Variants in NPAS2 observed in about 807,000 individuals in gnomAD.
NPAS2 encodes neuronal PAS domain-containing protein 2.
In NPAS2, 23 loss-of-function variants were observed where a neutral mutation model predicts 107.5. The observed-to-expected ratio is 0.21, with a 90% CI of 0.15 to 0.30. NPAS2 has a LOEUF of 0.30. NPAS2 is among the 10% of genes least tolerant of loss of function. NPAS2 has a pLI of 1.00. For synonymous variants in NPAS2, 403 were observed against 417.5 expected (o/e 0.97, Z 0.42); for missense variants, 756 against 1,043.3 (o/e 0.72, Z 3.79).
At position 100,965,780 on chromosome 2, in the gene NPAS2, C is replaced by T; in HGVS notation, c.907+14C>T. ...GTCACCAGCACCGTGAGTACCACTG[C>T]CCAGCCCAGGCATGGGGGCCTTGCG... On this transcript the variant is annotated intron_variant, in intron 10 of 20. Transcript: ENST00000335681. This position sits in a 1 kb window ranked among gnomAD's most constrained non-coding sequence, Gnocchi z 4.3. The T allele has an allele frequency of 6.4e-7, 1 of 1,555,766 alleles. No homozygotes were observed.
intron 10 of NPAS2, among the ~76,000 whole-genome samples, chr2:100,966,374 G>A (rs971110780): frequency 6.6e-6 from 1 of 152,110 alleles, no homozygotes; most frequent in South Asian, 2.1e-4. Flanking sequence ...CAAATGTATG[G>A]GGGATGGGAC....
At chr2:100,917,889 A>G (rs1420184251) in intron 2 of NPAS2, among the ~76,000 whole-genome samples, 1 of 152,182 alleles carries the variant, frequency 6.6e-6, no homozygotes, top group African/African-American at 2.4e-5. Flanking sequence ...AATATCACCA[A>G]TTCTGTTCAC....
chr2:100,904,298 A>G (rs927999516), intron 1 of NPAS2, among the ~76,000 whole-genome samples: 1 of 152,240 alleles, frequency 6.6e-6, no homozygotes. Context: ...ATGCTGCTTC[A>G]CTGAGCAGGT....
At chr2:100,933,056 T>G in intron 4 of NPAS2, 55 bp downstream of exon 4, 1 of 1,328,816 alleles carries the variant, frequency 7.5e-7, no homozygotes, top group South Asian at 1.2e-5. Context: ...TGTAGCTACT[T>G]GTTGCAGATA....
At chr2:100,952,024 C>T (rs771763349) in intron 7 of NPAS2, among the ~76,000 whole-genome samples, 9 of 151,546 alleles carry the variant, frequency 5.9e-5, no homozygotes, top group Non-Finnish European at 1.0e-4. Flanking sequence ...TGGTGGCGGG[C>T]GCCTGTAGTC....
At chr2:100,925,725 C>A (rs1269332280) in intron 3 of NPAS2, among the ~76,000 whole-genome samples, 2 of 152,166 alleles carry the variant, frequency 1.3e-5, no homozygotes, top group East Asian at 3.8e-4. Context: ...GTCTTTTGCG[C>A]TACATCATGA....
At chr2:100,934,152 C>T (rs748408561) in intron 4 of NPAS2, 7 of 152,176 alleles carry the variant, frequency 4.6e-5, no homozygotes, top group African/African-American at 1.7e-4. Context: ...AGAAGCAATG[C>T]ATTTTTAAGT....
chr2:100,837,444 C>A (rs1558793755), intron 1 of NPAS2, among the ~76,000 whole-genome samples: 1 of 152,132 alleles, frequency 6.6e-6, no homozygotes, highest in African/African-American at 2.4e-5. Context: ...TGCGCCATCA[C>A]GTCCAGCTAA....
Position 100,988,239 on chromosome 2 carries a change from A to G in NPAS2, c.1790A>G (p.Gln597Arg), listed in dbSNP as rs1677889247. The G allele has an allele frequency of 6.2e-7, 1 of 1,614,046 alleles. No individual in the cohort carries two copies. Among genetic ancestry groups the G allele is most frequent in the South Asian group, 1.1e-5 (1 of 91,088 alleles). ...GQISSAQVTSQHLLRESSVIS... is the reference protein window; with the variant it reads ...GQISSAQVTSRHLLRESSVIS... ...ATCTCCTCTGCCCAGGTCACAAGCC[A>G]GCACCTGCTCAGAGAATCAAGTGTG... is the stretch of plus-strand genomic sequence containing the variant. Residue 597 changes from glutamine to arginine, a missense_variant, in exon 17 of 21, where the codon CAG (glutamine) becomes CGG (arginine). Coordinates refer to ENST00000335681, the MANE Select transcript of NPAS2 (RefSeq NM_002518.4).
chr2:100,932,937 A>G lies in NPAS2; in HGVS notation c.209A>G (p.Asp70Gly). 6.2e-7 allele frequency: 1 copy of G among 1,614,092 alleles called. No individual in the cohort carries two copies. The highest frequency in any genetic ancestry group is 1.1e-5 in the South Asian group (1 of 91,082). ...GTCTCAGCGCAAACGGAAATCTGTG[A>G]CATTCAGCAAGACTGGAAGCCTTCA... The part of the protein sequence containing the change: ...NEVSAQTEIC[D>G]IQQDWKPSFL... Residue 70 changes from aspartate (D) to glycine (G), a missense_variant, in exon 4 of 21, where the codon GAC (aspartate) becomes GGC (glycine). By Grantham distance (94) the Asp-to-Gly change is moderately conservative (BLOSUM62 -1). Transcript: ENST00000335681.
chr2:100,905,989 T>TA (rs1028273486), intron 2 of NPAS2, among the ~76,000 whole-genome samples: 7 of 152,020 alleles, frequency 4.6e-5, no homozygotes, highest in South Asian at 2.1e-4. Context: ...ATATTTCCTT[T>TA]AAAAAAATCA....
At position 100,964,883 on chromosome 2, in the gene NPAS2, C is replaced by G. The variant is rs141573645; in HGVS notation, c.740C>G (p.Pro247Arg). 3 of 1,574,936 alleles carry G rather than the reference C, an allele frequency of 1.9e-6. No individual in the cohort carries two copies. The highest frequency in any genetic ancestry group is 1.7e-4 in the Middle Eastern group (1 of 5,974). ...FLKEMCIVDE[P>R]LEEFTSRHSL... ...CAGGAAATGTGCATAGTTGACGAAC[C>G]TTTAGAGGAATTCACTTCAAGGCAT... is the stretch of plus-strand genomic sequence containing the variant. The change falls in exon 9 of 21, where the codon CCT becomes CGT. Residue 247 changes from proline to arginine, a missense_variant. Physicochemically the swap from Pro to Arg is moderately radical, Grantham distance 103. Transcript: ENST00000335681.
intron 2 of NPAS2, among the ~76,000 whole-genome samples, chr2:100,912,716 C>A (rs1478723317): frequency 6.6e-6 from 1 of 152,236 alleles, no homozygotes; most frequent in Non-Finnish European, 1.5e-5. Flanking sequence ...TGGTTGCATT[C>A]AAGGGCGAAT....
chr2:100,856,423 A>G (rs532520240), intron 1 of NPAS2, among the ~76,000 whole-genome samples: 1 of 152,268 alleles, frequency 6.6e-6, no homozygotes, highest in Non-Finnish European at 1.5e-5. Context: ...GTTAGAGGGG[A>G]CCTGTGTTAC....
chr2:100,858,777 A>G (rs1056888355), intron 1 of NPAS2, among the ~76,000 whole-genome samples: 38 of 152,110 alleles, frequency 2.5e-4, no homozygotes, highest in African/African-American at 8.5e-4. Flanking sequence ...TACTGACATT[A>G]GTTGTTTAAG....
chr2:100,878,091 C>T (rs1364532730), intron 1 of NPAS2: 2 of 985,216 alleles, frequency 2.0e-6, no homozygotes, highest in African/African-American at 1.7e-5. Context: ...TCAGCATTCC[C>T]CTATGTCCAC....
intron 1 of NPAS2, among the ~76,000 whole-genome samples, chr2:100,830,057 G>C (rs989576639): frequency 4.6e-5 from 7 of 152,286 alleles, no homozygotes; most frequent in African/African-American, 1.7e-4. Flanking sequence ...CCTATCAGTA[G>C]ACTTCCTGGG....
intron 15 of NPAS2, 63 bp from the exon 16 acceptor site, chr2:100,982,168 G>A (rs1677484089): frequency 6.3e-7 from 1 of 1,584,204 alleles, no homozygotes; most frequent in African/African-American, 1.3e-5. Context: ...GCAGCAGCAA[G>A]ATCTGCCTGC....
intron 1 of NPAS2, among the ~76,000 whole-genome samples, chr2:100,832,566 G>C (rs552184178): frequency 6.6e-6 from 1 of 152,250 alleles, no homozygotes; most frequent in Non-Finnish European, 1.5e-5. Context: ...ACAGTCCCTC[G>C]GTGGGAGTTG....
Sources: allele counts gnomAD v4.1 joint callset (sites outside exome capture counted in the v4.1 genomes callset), GRCh38; gene constraint gnomAD v4.1.1; non-coding constraint Gnocchi (gnomAD v3.1); transcripts MANE v1.5; gene names NCBI Gene and HGNC (gene_info 2026-07-23, HGNC 2026-07-21).